GMNC: variants seen among roughly 807,000 people sequenced by gnomAD.
The protein encoded by GMNC is geminin coiled-coil domain-containing protein 1.
Under a neutral mutation model 33.6 loss-of-function variants are expected in GMNC, and 16 were observed. The ratio of observed to expected loss-of-function variants is 0.48; its 90% CI spans 0.32 to 0.72. The LOEUF (loss-of-function observed/expected upper bound fraction) is 0.72, where lower values mean the gene tolerates loss of function less well. Among genes scored for constraint, GMNC ranks in the 30% least tolerant of loss-of-function variants. The pLI is 0.03. For missense variants in GMNC, 393 were observed against 388.9 expected (o/e 1.01, Z -0.09); for synonymous variants, 156 against 147.3 (o/e 1.06, Z -0.43).
rs536382541 is a variant in GMNC at position 190,861,501 on chromosome 3, T to C, written c.4-643A>G. Among the ~76,000 whole-genome samples the C allele has an allele frequency of 6.6e-6, 1 of 151,854 alleles. No homozygotes were observed. The highest frequency in any genetic ancestry group is 1.9e-4 in the East Asian group (1 of 5,150). The stretch of plus-strand genomic sequence containing the variant: ...ATCTATCTATCTATCTATCTATCTA[T>C]CTATCTATCTCTGTCCCAGAGATAA... On this transcript the variant is annotated intron_variant, in intron 1 of 4. Coordinates refer to ENST00000442080, the MANE Select transcript of GMNC (RefSeq NM_001146686.3). The surrounding 1 kb of genome is among the most constrained non-coding windows in gnomAD (Gnocchi z 5.1).
Position 190,854,987 on chromosome 3 carries a change from C to G in GMNC, c.*308G>C, listed in dbSNP as rs565711129. On this transcript the variant is annotated 3_prime_UTR_variant, in exon 5 of 5. Transcript: ENST00000442080. ...ACTGGTTAAAATTGGAAAAATGTAT[C>G]TAGGTCTTAAAGGAATATAGAAGTG... 1.5e-5 allele frequency: 4 copies of G among 267,496 alleles called. No homozygotes were observed. In the South Asian group the frequency reaches 3.1e-4, roughly 21 times the overall value. 16.6% of individuals were successfully genotyped at this position (267,496 alleles called of 1,614,324 possible). A position where few individuals can be genotyped will look rare whatever the true frequency, so the allele number is the denominator to read the frequency against.
chr3:190,861,455 C>CATCT lies in GMNC; in HGVS notation c.4-601_4-598dup, dbSNP rs11378580. Among the ~76,000 whole-genome samples the CATCT allele has an allele frequency of 0.16, 23,191 of 145,868 alleles. 1,767 individuals carry two copies. Among genetic ancestry groups the CATCT allele is most frequent in the Admixed American group, 0.17 (2,527 of 14,504 alleles). Reference sequence around the variant, plus strand: ...TCTGTCTGTCTGTCTGTCTGCCTATCATCTATCTATCTATCTATCTATCTA... The same window carrying CATCT: ...TCTGTCTGTCTGTCTGTCTGCCTATCATCTATCTATCTATCTATCTATCTATCTA... On this transcript the variant is annotated intron_variant, in intron 1 of 4. Coordinates refer to ENST00000442080, the MANE Select transcript of GMNC (RefSeq NM_001146686.3). This position sits in a 1 kb window ranked among gnomAD's most constrained non-coding sequence, Gnocchi z 5.1.
rs1046453955 is a variant in GMNC, at chr3:190,853,002, G to A, written c.*2293C>T. On this transcript the variant is annotated 3_prime_UTR_variant, in exon 5 of 5. Coordinates refer to ENST00000442080, the MANE Select transcript of GMNC (RefSeq NM_001146686.3). ...CGTGGTAATTGTCTTCCATAACATC[G>A]TCCATGATAGAAGCCAGGAAACCAT... The A allele has an allele frequency of 1.3e-5, 2 of 151,946 alleles. No homozygotes were observed. The highest frequency in any genetic ancestry group is 2.9e-5 in the Non-Finnish European group (2 of 67,962). 9.4% of individuals were successfully genotyped at this position (151,946 alleles called of 1,614,324 possible). A position where few individuals can be genotyped will look rare whatever the true frequency, so the allele number is the denominator to read the frequency against.
In GMNC at chr3:190,855,775, A is replaced by G. The variant is rs912837728; in HGVS notation, c.525T>C (p.Ala175=). 4 of 1,551,436 alleles carry G rather than the reference A, an allele frequency of 2.6e-6. No individual in the cohort carries two copies. The highest frequency in any genetic ancestry group is 3.9e-5 in the Admixed American group (2 of 50,956). Residue 175 remains alanine, a synonymous_variant, in exon 5 of 5, where the codon GCT becomes GCC. Coordinates refer to ENST00000442080, the MANE Select transcript of GMNC (RefSeq NM_001146686.3). ...NAKRNLSSEF[A]NCEEQAGPPV... ...GGGGCCCAGCTTGTTCTTCACAGTTAGCAAATTCACTAGAGAGGTTTCTTT... is the reference window on the plus strand; with the variant it reads ...GGGGCCCAGCTTGTTCTTCACAGTTGGCAAATTCACTAGAGAGGTTTCTTT...
At position 190,855,546 on chromosome 3, in the gene GMNC, G is replaced by A; in HGVS notation, c.754C>T (p.Pro252Ser). 6.4e-7 allele frequency: 1 copy of A among 1,551,594 alleles called. No homozygotes were observed. The highest frequency in any genetic ancestry group is 1.2e-5 in the South Asian group (1 of 84,056). Residue 252 changes from proline (P) to serine (S), a missense_variant, in exon 5 of 5, where the codon CCC (proline) becomes TCC (serine). Coordinates refer to ENST00000442080, the MANE Select transcript of GMNC (RefSeq NM_001146686.3). Reference protein sequence around the residue: ...PIDYRGDRTTPLHSTATHGED... With the variant: ...PIDYRGDRTTSLHSTATHGED... ...CCATGAGTGGCAGTGCTGTGCAAGG[G>A]GGTTGTTCTGTCACCTCTATAGTCA...
At chr3:190,856,037 G>A in intron 4 of GMNC, 122 bp from the exon 5 acceptor site, 1 of 716,942 alleles carries the variant, frequency 1.4e-6, no homozygotes. Flanking sequence ...TAGCTTGTTT[G>A]TAAAGTAAAA....
chr3:190,860,472 T>C (rs1737836232), intron 2 of GMNC, among the ~76,000 whole-genome samples: 1 of 152,194 alleles, frequency 6.6e-6, no homozygotes, highest in Non-Finnish European at 1.5e-5. Context: ...GAGAAATACA[T>C]GCTATCCAGT....
Position 190,855,794 on chromosome 3 carries a change from T to A in GMNC, c.506A>T (p.Asn169Ile). Residue 169 changes from asparagine (N) to isoleucine (I), a missense_variant, in exon 5 of 5, where the codon AAC (asparagine) becomes ATC (isoleucine). Asn to Ile is a moderately radical substitution (Grantham distance 149). Transcript: ENST00000442080. ...EIPHPKNAKR[N>I]LSSEFANCEE... The stretch of plus-strand genomic sequence containing the variant: ...ACAGTTAGCAAATTCACTAGAGAGG[T>A]TTCTTTTGGCATTTTTGGGATGGGG... 6.4e-7 allele frequency: 1 copy of A among 1,551,410 alleles called. No homozygotes were observed. Among genetic ancestry groups the A allele is most frequent in the Non-Finnish European group, 8.7e-7 (1 of 1,146,890 alleles).
chr3:190,859,964 A>T (rs1737826388), intron 2 of GMNC: 1 of 271,774 alleles, frequency 3.7e-6, no homozygotes, highest in Non-Finnish European at 7.5e-6. Flanking sequence ...CCTCCCTGAC[A>T]TTTAAGTGTG....
the GMNC span, among the ~76,000 whole-genome samples, chr3:190,847,359 A>T: frequency 2.8e-4 from 43 of 152,300 alleles, no homozygotes; most frequent in African/African-American, 9.9e-4. Context: ...AAAAACTTCT[A>T]CATAGCTTTG....
rs370043745 is a variant in GMNC, at chr3:190,855,725, G to A, written c.575C>T (p.Thr192Ile). 9.7e-6 allele frequency: 15 copies of A among 1,551,412 alleles called. No individual in the cohort carries two copies. The highest frequency in any genetic ancestry group is 1.3e-5 in the Non-Finnish European group (15 of 1,146,876). Residue 192 changes from threonine (T) to isoleucine (I), a missense_variant, in exon 5 of 5, where the codon ACA (threonine) becomes ATA (isoleucine). Thr to Ile is a moderately conservative substitution (Grantham distance 89, BLOSUM62 -1). Coordinates refer to ENST00000442080, the MANE Select transcript of GMNC (RefSeq NM_001146686.3). ...GPPVDPWVLQ[T>I]LGLKDLDTID... The stretch of plus-strand genomic sequence containing the variant: ...AGTGTCAAGGTCTTTTAACCCAAGT[G>A]TTTGAAGGACCCAGGGATCCACAGG...
chr3:190,847,484 G>T, the GMNC span, among the ~76,000 whole-genome samples: 847 of 152,248 alleles, frequency 5.6e-3, 11 homozygotes, highest in African/African-American at 0.019. Flanking sequence ...GGAACATAAA[G>T]TTAAGATGTC....
intron 4 of GMNC, among the ~76,000 whole-genome samples, chr3:190,857,450 T>G (rs527746373): frequency 3.8e-4 from 58 of 152,108 alleles, no homozygotes; most frequent in Non-Finnish European, 5.9e-4. Flanking sequence ...AAGAACTGAG[T>G]GTCTTTTAGA....
chr3:190,846,597 CTGATA>C, the GMNC span, among the ~76,000 whole-genome samples: 1 of 152,128 alleles, frequency 6.6e-6, no homozygotes, highest in Non-Finnish European at 1.5e-5. Flanking sequence ...TTATGACTTG[CTGATA>C]AGCGCCTAAT....
chr3:190,844,713 A>G, the GMNC span, among the ~76,000 whole-genome samples: 1 of 152,090 alleles, frequency 6.6e-6, no homozygotes, highest in Non-Finnish European at 1.5e-5. Context: ...TAGACATTGC[A>G]TCAGATTTCT....
rs1028659533 is a variant in GMNC at position 190,862,101 on chromosome 3, G to C, written c.3+512C>G. Among the ~76,000 whole-genome samples the C allele has an allele frequency of 6.6e-6, 1 of 152,102 alleles. No individual in the cohort carries two copies. The highest frequency in any genetic ancestry group is 6.5e-5 in the Admixed American group (1 of 15,272). The stretch of plus-strand genomic sequence containing the variant: ...AGAAATTCAGCCAAAAGTTTATCAA[G>C]TGCAATTTTCTTTTATTTTAAAAGC... On this transcript the variant is annotated intron_variant, in intron 1 of 4. Transcript: ENST00000442080. The surrounding 1 kb of genome is among the most constrained non-coding windows in gnomAD (Gnocchi z 4.5).
chr3:190,860,835 G>C lies in GMNC; in HGVS notation c.27C>G (p.Asp9Glu), dbSNP rs1737847845. ...AGCTCTGGCCTCCTACAAAGTACTG[G>C]TCTTGGCAAGGCAGAATGGTGTTCT... MNTILPCQ[D>E]QYFVGGQSYN... is the part of the protein sequence containing the mutation. The change falls in exon 2 of 5, where the codon GAC (aspartate) becomes GAG (glutamate). Residue 9 changes from aspartate to glutamate, a missense_variant. By Grantham distance (45) the Asp-to-Glu change is conservative (BLOSUM62 2). Coordinates refer to ENST00000442080, the MANE Select transcript of GMNC (RefSeq NM_001146686.3). 2 of 1,550,630 alleles carry C rather than the reference G, an allele frequency of 1.3e-6. No homozygotes were observed. The highest frequency in any genetic ancestry group is 2.0e-5 in the Admixed American group (1 of 50,958).
intron 1 of GMNC, 47 bp from the exon 2 acceptor site, chr3:190,860,905 T>A: frequency 7.3e-7 from 1 of 1,375,292 alleles, no homozygotes. Flanking sequence ...AAAGATGGGG[T>A]GATGGAGATT....
chr3:190,850,892 T>C (rs181198124), downstream of GMNC, among the ~76,000 whole-genome samples: 28 of 152,320 alleles, frequency 1.8e-4, no homozygotes, highest in Middle Eastern at 3.4e-3. Flanking sequence ...ATAATATGTT[T>C]GAAATAACTT....
Sources: gnomAD v4.1 joint callset for allele counts (sites outside exome capture counted in the v4.1 genomes callset) on GRCh38, gnomAD v4.1.1 for gene constraint, Gnocchi (gnomAD v3.1) non-coding constraint, MANE v1.5 for transcripts, NCBI Gene and HGNC (gene_info 2026-07-23, HGNC 2026-07-21) for gene names.